PCDH15: variants seen among roughly 807,000 people sequenced by gnomAD.
PCDH15 encodes the protein protocadherin related 15.
Under a neutral mutation model 178.5 loss-of-function variants are expected in PCDH15, and 129 were observed. The ratio of observed to expected loss-of-function variants is 0.72; its 90% CI spans 0.63 to 0.84. The LOEUF is 0.84. Among genes scored for constraint, PCDH15 ranks in the 40% least tolerant of loss-of-function variants. The probability of loss-of-function intolerance (pLI) is 0.00; values close to 1 mark genes in which losing one functional copy is unlikely to be tolerated. For missense variants in PCDH15, 2,230 were observed against 2,099.9 expected (o/e 1.06, Z -1.21); for synonymous variants, 800 against 732.0 (o/e 1.09, Z -1.50).
intron 2 of PCDH15, among the ~76,000 whole-genome samples, chr10:55,131,965 C>G (rs984252586): frequency 6.6e-6 from 1 of 152,118 alleles, no homozygotes; most frequent in African/African-American, 2.4e-5. Context: ...AGGAGCCTGT[C>G]TGCATCCTGC....
At chr10:55,255,558 C>T (rs1203897722) in intron 1 of PCDH15, among the ~76,000 whole-genome samples, 2 of 152,142 alleles carry the variant, frequency 1.3e-5, no homozygotes, top group Non-Finnish European at 2.9e-5. Context: ...AACTAGTTTA[C>T]ACTCCCACCA....
intron 2 of PCDH15, among the ~76,000 whole-genome samples, chr10:54,552,005 T>C (rs1331434062): frequency 1.3e-5 from 2 of 152,124 alleles, no homozygotes; most frequent in Non-Finnish European, 2.9e-5. Context: ...ATATTTGAAT[T>C]CTACCTTTCA....
In PCDH15 at chr10:54,650,752, G is replaced by A. The variant is rs12354510; in HGVS notation, c.91+13420C>T. ...GAGAGAATGACTACCAAGCAAAAGG[G>A]GTTTCCCCTTACAAAACCATCAGAT... is the stretch of plus-strand genomic sequence containing the variant. On this transcript the variant is annotated intron_variant, in intron 2 of 37. Coordinates refer to ENST00000644397, the MANE Select transcript of PCDH15 (RefSeq NM_001384140.1). Among the ~76,000 whole-genome samples, 978 of 151,642 alleles carry A rather than the reference G, an allele frequency of 6.4e-3. 5 individuals are homozygous for A. Among genetic ancestry groups the A allele is most frequent in the Non-Finnish European group, 9.6e-3 (653 of 67,972 alleles).
chr10:53,985,634 A>C (rs1048377618), intron 21 of PCDH15, among the ~76,000 whole-genome samples: 1 of 152,050 alleles, frequency 6.6e-6, no homozygotes, highest in Non-Finnish European at 1.5e-5. Flanking sequence ...GATTATAAAC[A>C]CACCCCGAGA....
chr10:54,079,310 C>T, intron 17 of PCDH15, 21 bp downstream of exon 17: 1 of 1,609,028 alleles, frequency 6.2e-7, no homozygotes, highest in Non-Finnish European at 8.5e-7. Flanking sequence ...TTTAAAACCC[C>T]TTCACAGGGA....
intron 20 of PCDH15, among the ~76,000 whole-genome samples, chr10:54,017,886 A>T (rs1412851151): frequency 6.6e-6 from 1 of 152,206 alleles, no homozygotes; most frequent in Non-Finnish European, 1.5e-5. Context: ...TCTTAAAAAA[A>T]TAAAATCCAT....
At chr10:54,297,227 A>G (rs886513374) in intron 8 of PCDH15, among the ~76,000 whole-genome samples, 1 of 152,180 alleles carries the variant, frequency 6.6e-6, no homozygotes, top group Non-Finnish European at 1.5e-5. Context: ...GGAAACACTC[A>G]GGCATCAATG....
At chr10:54,504,283 C>T (rs2080978327) in intron 3 of PCDH15, among the ~76,000 whole-genome samples, 1 of 152,122 alleles carries the variant, frequency 6.6e-6, no homozygotes, top group Non-Finnish European at 1.5e-5. Context: ...TATTTTACAA[C>T]TATTTGCCAA....
rs1207140550 is a variant in PCDH15, at chr10:55,350,860, C to G, written c.-155-184209G>C. Among the ~76,000 whole-genome samples, 3 of 152,104 alleles carry G rather than the reference C, an allele frequency of 2.0e-5. 1 individual carries two copies. Among genetic ancestry groups the G allele is most frequent in the Admixed American group, 2.0e-4 (3 of 15,258 alleles). On this transcript the variant is annotated intron_variant, in intron 2 of 5. Coordinates refer to the PCDH15 transcript ENST00000613346. ...TCTCACACAACTGTTTGGATTCTAC[C>G]AATTGGCTCTTCTCAATTGTTTAAA...
intron 3 of PCDH15, among the ~76,000 whole-genome samples, chr10:54,856,475 A>G (rs1468383937): frequency 6.6e-6 from 1 of 152,202 alleles, no homozygotes; most frequent in Non-Finnish European, 1.5e-5. Context: ...AGAGATTGAA[A>G]CCAAAATGAG....
intron 26 of PCDH15, among the ~76,000 whole-genome samples, chr10:53,891,178 T>C (rs1375988887): frequency 1.3e-5 from 2 of 152,142 alleles, no homozygotes; most frequent in South Asian, 4.1e-4. Flanking sequence ...TTACAGGACA[T>C]CTTCAGACAA....
intron 3 of PCDH15, among the ~76,000 whole-genome samples, chr10:54,824,731 C>T (rs1198077944): frequency 6.6e-6 from 1 of 151,966 alleles, no homozygotes; most frequent in Non-Finnish European, 1.5e-5. Flanking sequence ...CTTTATTTAA[C>T]CCCAAAGCTC....
At chr10:54,034,288 T>C (rs2093366758) in intron 18 of PCDH15, among the ~76,000 whole-genome samples, 1 of 151,896 alleles carries the variant, frequency 6.6e-6, no homozygotes, top group South Asian at 2.1e-4. Context: ...AAATTAAAGG[T>C]GTTTTTCTCT....
chr10:55,430,178 C>A (rs1166970667), intron 2 of PCDH15, among the ~76,000 whole-genome samples: 1 of 152,086 alleles, frequency 6.6e-6, no homozygotes, highest in East Asian at 1.9e-4. Flanking sequence ...ATAGTCCTAG[C>A]TACTCAGGAG....
At chr10:54,084,317 C>A (rs2094482452) in intron 16 of PCDH15, among the ~76,000 whole-genome samples, 1 of 151,224 alleles carries the variant, frequency 6.6e-6, no homozygotes, top group African/African-American at 2.4e-5. Flanking sequence ...ACTAAAAATA[C>A]AAAAAATTAG....
rs147767630 is a variant in PCDH15, at chr10:55,187,980, G to T, written c.-155-21329C>A. Among the ~76,000 whole-genome samples, 611 of 152,016 alleles carry T rather than the reference G, an allele frequency of 4.0e-3. 7 individuals are homozygous for T. Among genetic ancestry groups the T allele is most frequent in the African/African-American group, 0.014 (593 of 41,524 alleles). ...CAGAAGCAGAATGATCCGTTAGGAC[G>T]CTATGGCAATGGTCCAGGCAGTAGG... On this transcript the variant is annotated intron_variant, in intron 1 of 5. Transcript: ENST00000458638.
intron 28 of PCDH15, among the ~76,000 whole-genome samples, chr10:53,840,964 T>G (rs1448375178): frequency 1.3e-5 from 2 of 152,150 alleles, no homozygotes; most frequent in African/African-American, 4.8e-5. Context: ...GGTATAAAAA[T>G]CCTTGCAGAA....
At chr10:55,295,623 C>A (rs1222878747) in intron 1 of PCDH15, among the ~76,000 whole-genome samples, 2 of 152,166 alleles carry the variant, frequency 1.3e-5, no homozygotes, top group East Asian at 3.9e-4. Context: ...CTTTGTGGGA[C>A]TAGCAGTAAG....
At chr10:55,088,802 C>G (rs571646904) in intron 2 of PCDH15, among the ~76,000 whole-genome samples, 1 of 151,884 alleles carries the variant, frequency 6.6e-6, no homozygotes, top group East Asian at 1.9e-4. Flanking sequence ...AATATATTGA[C>G]CAAAAGAACT....
Sources: allele counts gnomAD v4.1 joint callset (sites outside exome capture counted in the v4.1 genomes callset), GRCh38; gene constraint gnomAD v4.1.1; transcripts MANE v1.5; gene names NCBI Gene and HGNC (gene_info 2026-07-23, HGNC 2026-07-21).